The following EXOC4 variants were observed in gnomAD, a reference collection of about 807,000 sequenced individuals.
The protein encoded by EXOC4 is SEC8-like 1.
Under a neutral mutation model 107.2 loss-of-function variants are expected in EXOC4, and 71 were observed. The observed-to-expected ratio is 0.66, with a 90% CI of 0.55 to 0.81. EXOC4 has a LOEUF of 0.81. Among genes scored for constraint, EXOC4 ranks in the 30% least tolerant of loss-of-function variants. EXOC4 has a pLI of 0.00. For synonymous variants in EXOC4, 456 were observed against 441.2 expected (o/e 1.03, Z -0.42); for missense variants, 1,108 against 1,189.6 (o/e 0.93, Z 1.01).
At chr7:133,496,898 T>C (rs1053411593) in intron 9 of EXOC4, among the ~76,000 whole-genome samples, 1 of 151,988 alleles carries the variant, frequency 6.6e-6, no homozygotes, top group Non-Finnish European at 1.5e-5. Context: ...TAAATTTGAG[T>C]CAATCAAAAG....
chr7:133,505,969 G>A (rs188302908), intron 9 of EXOC4, among the ~76,000 whole-genome samples: 1 of 152,082 alleles, frequency 6.6e-6, no homozygotes, highest in Non-Finnish European at 1.5e-5. Context: ...CAGGATGAAT[G>A]AACGATTCCT....
chr7:133,328,568 T>G (rs1167510135), intron 5 of EXOC4, among the ~76,000 whole-genome samples: 1 of 152,222 alleles, frequency 6.6e-6, no homozygotes, highest in Non-Finnish European at 1.5e-5. Flanking sequence ...GTACTGGTTA[T>G]TCCTTTCCAT....
intron 11 of EXOC4, among the ~76,000 whole-genome samples, chr7:133,880,657 TC>T (rs1337527143): frequency 2.0e-5 from 3 of 152,202 alleles, no homozygotes; most frequent in African/African-American, 7.2e-5. Flanking sequence ...AGACTTTTTC[TC>T]CCTTTCCTGC....
chr7:133,681,133 C>T (rs1238963881), intron 10 of EXOC4, among the ~76,000 whole-genome samples: 1 of 152,186 alleles, frequency 6.6e-6, no homozygotes, highest in African/African-American at 2.4e-5. Flanking sequence ...GGGCTTCCAT[C>T]TTCCTTTCAG....
chr7:133,702,272 G>A (rs924478236), intron 10 of EXOC4, among the ~76,000 whole-genome samples: 6 of 113,452 alleles, frequency 5.3e-5, no homozygotes, highest in African/African-American at 2.0e-4. Context: ...CAGAACACCC[G>A]CATCAGCTGC....
chr7:133,857,325 G>GTATATA (rs71162035), intron 11 of EXOC4, among the ~76,000 whole-genome samples: 1 of 2,598 alleles, frequency 3.8e-4, no homozygotes, highest in Non-Finnish European at 6.1e-4. Context: ...ATATATACAC[G>GTATATA]TATATATATA....
At chr7:133,581,574 C>T (rs569739224) in intron 9 of EXOC4, among the ~76,000 whole-genome samples, 13 of 150,938 alleles carry the variant, frequency 8.6e-5, no homozygotes, top group African/African-American at 2.7e-4. Flanking sequence ...CTGGCTAACA[C>T]GGTGAAACCC....
rs79182987 is a variant in EXOC4 at position 133,313,142 on chromosome 7, G to GTT, written c.657-4129_657-4128dup. Among the ~76,000 whole-genome samples, 1,010 of 131,526 alleles carry GTT rather than the reference G, an allele frequency of 7.7e-3. 12 individuals carry two copies. The highest frequency in any genetic ancestry group is 0.016 in the Middle Eastern group (4 of 252). 86.3% of individuals were successfully genotyped at this position (131,526 alleles called of 152,430 possible). ...GTTTTCTTTTTATCTTTCAGTTCTT[G>GTT]TTTTTTTTTTTTTTCCCTCTTGGCT... On this transcript the variant is annotated intron_variant, in intron 4 of 17. Coordinates refer to ENST00000253861, the MANE Select transcript of EXOC4 (RefSeq NM_021807.4).
intron 9 of EXOC4, among the ~76,000 whole-genome samples, chr7:133,524,540 C>T (rs1217953820): frequency 7.1e-6 from 1 of 141,450 alleles, no homozygotes; most frequent in Non-Finnish European, 1.5e-5. Flanking sequence ...AATGGTAATG[C>T]CTAGGTTTTC....
chr7:133,971,678 G>C (rs1474916678), intron 14 of EXOC4, among the ~76,000 whole-genome samples: 1 of 151,916 alleles, frequency 6.6e-6, no homozygotes, highest in East Asian at 1.9e-4. Flanking sequence ...TCTTCCAGAG[G>C]CAGTGAGGAG....
chr7:133,285,631 A>G (rs1794257293), intron 2 of EXOC4, among the ~76,000 whole-genome samples: 1 of 151,926 alleles, frequency 6.6e-6, no homozygotes, highest in Admixed American at 6.6e-5. Flanking sequence ...GTGTTCTTAC[A>G]TGTCAGAATA....
At chr7:133,560,729 T>C (rs574551089) in intron 9 of EXOC4, among the ~76,000 whole-genome samples, 84 of 152,308 alleles carry the variant, frequency 5.5e-4, no homozygotes, top group African/African-American at 1.9e-3. Flanking sequence ...CATTGAATAA[T>C]AATAATTTAG....
In EXOC4 at chr7:133,604,005, ATT is replaced by A. The variant is rs34739251; in HGVS notation, c.1418-26028_1418-26027del. On this transcript the variant is annotated intron_variant, in intron 9 of 17. Transcript: ENST00000253861. ...CTGTAAGCTTTTTTCTAATTTCAGAATTTTTTTTTTTTTCTTTTTAAACTTTT... is the reference window on the plus strand; with the variant it reads ...CTGTAAGCTTTTTTCTAATTTCAGAATTTTTTTTTTTCTTTTTAAACTTTT... 1.1e-3 allele frequency among the ~76,000 whole-genome samples: 155 copies of A among 145,926 alleles called. 1 individual carries two copies. The highest frequency in any genetic ancestry group is 0.01 in the Middle Eastern group (3 of 286).
intron 9 of EXOC4, among the ~76,000 whole-genome samples, chr7:133,495,778 T>C (rs1799463424): frequency 1.3e-5 from 2 of 152,226 alleles, no homozygotes; most frequent in African/African-American, 4.8e-5. Context: ...AATTCTCCTA[T>C]GAACAGTTGT....
At chr7:133,929,446 A>G (rs1456232196) in intron 13 of EXOC4, among the ~76,000 whole-genome samples, 2 of 151,454 alleles carry the variant, frequency 1.3e-5, no homozygotes, top group Non-Finnish European at 2.9e-5. Flanking sequence ...ACTGCTCCCA[A>G]ATACACTGTC....
chr7:133,707,591 C>A lies in EXOC4; in HGVS notation c.1514+77450C>A, dbSNP rs183579389. On this transcript the variant is annotated intron_variant, in intron 10 of 17. Transcript: ENST00000253861. ...CACCTCCCAGGTGCTTATTTCTGAA[C>A]AATATTTGCCCTTTATTTTTTATTT... Among the ~76,000 whole-genome samples the A allele has an allele frequency of 2.0e-5, 3 of 151,914 alleles. No individual in the cohort carries two copies. In the East Asian group the frequency reaches 5.8e-4, roughly 29 times the overall value.
intron 9 of EXOC4, chr7:133,576,809 G>A (rs1411664598): frequency 1.1e-5 from 14 of 1,289,440 alleles, no homozygotes; most frequent in African/African-American, 1.5e-5. Context: ...TGCATGGCAA[G>A]TTTTACTGAA....
intron 11 of EXOC4, among the ~76,000 whole-genome samples, chr7:133,876,889 A>C (rs1024663475): frequency 6.6e-6 from 1 of 151,532 alleles, no homozygotes; most frequent in African/African-American, 2.4e-5. Context: ...CAATTCGATT[A>C]TTTGTGACTT....
chr7:134,069,637 A>G (rs1796246063), downstream of EXOC4, among the ~76,000 whole-genome samples: 1 of 152,128 alleles, frequency 6.6e-6, no homozygotes, highest in Non-Finnish European at 1.5e-5. Flanking sequence ...AGCTGGAACT[A>G]CAGACCATGC....
Sources: gnomAD v4.1 joint callset for allele counts (sites outside exome capture counted in the v4.1 genomes callset) on GRCh38, gnomAD v4.1.1 for gene constraint, MANE v1.5 for transcripts, NCBI Gene and HGNC (gene_info 2026-07-23, HGNC 2026-07-21) for gene names.